Variants in SHPK observed in about 807,000 individuals in gnomAD.
The protein encoded by SHPK is carbohydrate kinase-like protein.
In SHPK, 51 loss-of-function variants were observed where a neutral mutation model predicts 46.3. The ratio of observed to expected loss-of-function variants is 1.10; its 90% CI spans 0.88 to 1.39. The LOEUF is 1.39. SHPK is among the 40% of genes most tolerant of loss of function. The probability of loss-of-function intolerance (pLI) is 0.00; values close to 1 mark genes in which losing one functional copy is unlikely to be tolerated. For missense variants in SHPK, 668 were observed against 641.3 expected (o/e 1.04, Z -0.45); for synonymous variants, 290 against 273.9 (o/e 1.06, Z -0.58).
At chr17:3,630,483 A>C in intron 1 of SHPK, 137 bp from the exon 2 acceptor site, 1 of 917,868 alleles carries the variant, frequency 1.1e-6, no homozygotes, top group Non-Finnish European at 1.6e-6. Flanking sequence ...GCACTGCTGC[A>C]GGTGAGTTGC....
rs1234972259 is a variant in SHPK, at chr17:3,630,692, G to A, written c.169-346C>T. Reference sequence around the variant, plus strand: ...TAGCCAAACAACATGATGAAACCCCGTCTCTACTAAAAATACAAAAAATTA... The same window carrying A: ...TAGCCAAACAACATGATGAAACCCCATCTCTACTAAAAATACAAAAAATTA... On this transcript the variant is annotated intron_variant, in intron 1 of 6. Coordinates refer to ENST00000225519, the MANE Select transcript of SHPK (RefSeq NM_013276.4). Among the ~76,000 whole-genome samples the A allele has an allele frequency of 3.9e-5, 6 of 152,088 alleles. No homozygotes were observed. The South Asian group carries it at 6.2e-4, about 16-fold the overall frequency.
rs777725797 is a variant in SHPK, at chr17:3,624,143, G to A, written c.399C>T (p.Ser133=). ...GGGGCAGAGAGGCCAGGAATTCGCT[G>A]CTACATCGGCCATCCTGCCACGTGA... ...HLVTWQDGRC[S]SEFLASLPQP... is the part of the protein sequence containing the mutation. Residue 133 remains serine (S), a synonymous_variant, in exon 3 of 7, where the codon AGC becomes AGT. Transcript: ENST00000225519. The A allele has an allele frequency of 6.2e-6, 10 of 1,614,184 alleles. No homozygotes were observed. The highest frequency in any genetic ancestry group is 8.5e-6 in the Non-Finnish European group (10 of 1,180,008).
At chr17:3,618,547 C>T (rs982735812) in intron 5 of SHPK, among the ~76,000 whole-genome samples, 2 of 152,004 alleles carry the variant, frequency 1.3e-5, no homozygotes, top group African/African-American at 2.4e-5. Context: ...TTTAGGAGGC[C>T]GAGGCAGGTG....
intron 2 of SHPK, among the ~76,000 whole-genome samples, chr17:3,624,623 G>C (rs2075422120): frequency 6.6e-6 from 1 of 151,822 alleles, no homozygotes; most frequent in African/African-American, 2.4e-5. Flanking sequence ...CTTTTCCTTA[G>C]TTCTTAGCTG....
Position 3,616,860 on chromosome 17 carries a change from C to T in SHPK, c.824-1323G>A, listed in dbSNP as rs576978783. ...TCAAGTGACTCTCCTGCCTCAGCCT[C>T]CCAAGTAGCTGGGATTACAGGCATG... On this transcript the variant is annotated intron_variant, in intron 5 of 6. Transcript: ENST00000225519. 2.7e-3 allele frequency among the ~76,000 whole-genome samples: 413 copies of T among 152,342 alleles called. 4 individuals are homozygous for T. The highest frequency in any genetic ancestry group is 4.9e-3 in the Non-Finnish European group (333 of 68,028).
intron 5 of SHPK, among the ~76,000 whole-genome samples, chr17:3,617,014 GGT>G (rs2075374608): frequency 6.6e-6 from 1 of 152,068 alleles, no homozygotes; most frequent in African/African-American, 2.4e-5. Flanking sequence ...TGGGATTACA[GGT>G]GCCCGCCACT....
intron 5 of SHPK, 86 bp from the exon 6 acceptor site, chr17:3,615,623 T>G (rs529616088): frequency 2.5e-6 from 3 of 1,200,274 alleles, no homozygotes; most frequent in Middle Eastern, 2.1e-4. Flanking sequence ...GGGGGTGGCC[T>G]GTCGGGTTAA....
Position 3,621,397 on chromosome 17 carries a change from A to T in SHPK, c.663T>A (p.Gly221=). ...TGTCTGGGAGCAGGTGGACAGGAAA[A>T]CCCGAGCTCCTCAGTCTGTAAAACA... The part of the protein sequence containing the change: ...SWNVETLRSS[G]FPVHLLPDIA... Residue 221 remains glycine, a synonymous_variant, in exon 5 of 7, where the codon GGT becomes GGA. Coordinates refer to ENST00000225519, the MANE Select transcript of SHPK (RefSeq NM_013276.4). 6.2e-7 allele frequency: 1 copy of T among 1,613,702 alleles called. No individual in the cohort carries two copies. The highest frequency in any genetic ancestry group is 8.5e-7 in the Non-Finnish European group (1 of 1,179,848).
chr17:3,625,827 C>T (rs144035504), intron 2 of SHPK, among the ~76,000 whole-genome samples: 3,332 of 152,174 alleles, frequency 0.022, 94 homozygotes, highest in Middle Eastern at 0.051. Flanking sequence ...CCAAGGTGGG[C>T]GGATCACCTG....
chr17:3,630,439 T>A, intron 1 of SHPK, 93 bp from the exon 2 acceptor site: 1 of 1,313,496 alleles, frequency 7.6e-7, no homozygotes, highest in Non-Finnish European at 1.0e-6. Flanking sequence ...AGGAATGCAG[T>A]GGGCAGCATC....
chr17:3,611,025 G>C (rs2075336720), intron 6 of SHPK, 53 bp from the exon 7 acceptor site: 1 of 1,496,732 alleles, frequency 6.7e-7, no homozygotes, highest in African/African-American at 1.4e-5. Context: ...CTCAGTGCAG[G>C]CTGACATGGC....
chr17:3,616,558 A>G, intron 5 of SHPK, among the ~76,000 whole-genome samples: 1 of 152,158 alleles, frequency 6.6e-6, no homozygotes, highest in Non-Finnish European at 1.5e-5. Flanking sequence ...AAACTGTCCA[A>G]AATAATAAAT....
intron 5 of SHPK, among the ~76,000 whole-genome samples, chr17:3,617,481 A>T (rs2075376451): frequency 1.3e-5 from 2 of 152,172 alleles, no homozygotes; most frequent in Admixed American, 1.3e-4. Flanking sequence ...CAGAAACTAA[A>T]TTGGGTTTAG....
chr17:3,612,140 A>C (rs917369180), intron 6 of SHPK, among the ~76,000 whole-genome samples: 1 of 151,942 alleles, frequency 6.6e-6, no homozygotes. Flanking sequence ...CGAAAAAAAA[A>C]AAAAGGCCAA....
At position 3,624,165 on chromosome 17, in the gene SHPK, G is replaced by A. The variant is rs772517886; in HGVS notation, c.377C>T (p.Thr126Met). 71 of 1,614,048 alleles carry A rather than the reference G, an allele frequency of 4.4e-5. No individual in the cohort carries two copies. Among genetic ancestry groups the A allele is most frequent in the East Asian group, 8.9e-5 (4 of 44,900 alleles). The stretch of plus-strand genomic sequence containing the variant: ...GCTGCTACATCGGCCATCCTGCCAC[G>A]TGACCAGGTGGCTAACAGCTCGGGG... ...FEPRAVSHLV[T>M]WQDGRCSSEF... is the part of the protein sequence containing the mutation. Residue 126 changes from threonine to methionine, a missense_variant, in exon 3 of 7, where the codon ACG becomes ATG. Physicochemically the swap from Thr to Met is moderately conservative, Grantham distance 81. Coordinates refer to ENST00000225519, the MANE Select transcript of SHPK (RefSeq NM_013276.4).
chr17:3,634,871 C>T (rs1420872242), intron 1 of SHPK, among the ~76,000 whole-genome samples: 2 of 152,018 alleles, frequency 1.3e-5, no homozygotes, highest in African/African-American at 2.4e-5. Flanking sequence ...GTGGCAAGAG[C>T]TTGTGAAAAA....
In SHPK at chr17:3,634,385, C is replaced by T. The variant is rs570483549; in HGVS notation, c.168+1667G>A. ...AGGAGTTTGAGACCAGCCTTGCCAA[C>T]ATGGTGAAACCCCATCTCTACCAAA... On this transcript the variant is annotated intron_variant, in intron 1 of 6. Transcript: ENST00000225519. 3.3e-5 allele frequency among the ~76,000 whole-genome samples: 5 copies of T among 151,772 alleles called. No homozygotes were observed. The East Asian group carries it at 9.7e-4, about 29-fold the overall frequency.
intron 2 of SHPK, among the ~76,000 whole-genome samples, chr17:3,627,062 T>C (rs150129288): frequency 3.9e-4 from 60 of 152,322 alleles, no homozygotes; most frequent in African/African-American, 1.3e-3. Flanking sequence ...TTTCCAGATG[T>C]TTATCAGCCA....
chr17:3,630,257 G>T lies in SHPK; in HGVS notation c.258C>A (p.Gly86=). 3 of 1,613,644 alleles carry T rather than the reference G, an allele frequency of 1.9e-6. No individual in the cohort carries two copies. The highest frequency in any genetic ancestry group is 2.2e-5 in the South Asian group (2 of 91,078). The part of the protein sequence containing the change: ...LPRPQLRSVV[G]IGVSGQMHGV... ...CATGCATCTGGCCCGACACCCCGAT[G>T]CCCACGACGCTCCGGAGCTGGGGTC... Residue 86 remains glycine, a synonymous_variant, in exon 2 of 7, where the codon GGC becomes GGA. Transcript: ENST00000225519.
Sources: gnomAD v4.1 joint callset for allele counts (sites outside exome capture counted in the v4.1 genomes callset) on GRCh38, gnomAD v4.1.1 for gene constraint, MANE v1.5 for transcripts, NCBI Gene and HGNC (gene_info 2026-07-23, HGNC 2026-07-21) for gene names.